Variants in KIAA1217 observed in about 807,000 individuals in gnomAD.
KIAA1217 encodes KIAA1217.
Under a neutral mutation model 163.9 loss-of-function variants are expected in KIAA1217, and 88 were observed. The ratio of observed to expected loss-of-function variants is 0.54; its 90% CI spans 0.45 to 0.64. KIAA1217 has a LOEUF of 0.64. Among genes scored for constraint, KIAA1217 ranks in the 30% least tolerant of loss-of-function variants. KIAA1217 has a pLI of 0.00. For synonymous variants in KIAA1217, 903 were observed against 923.1 expected (o/e 0.98, Z 0.39); for missense variants, 2,372 against 2,475.0 (o/e 0.96, Z 0.88).
At chr10:24,444,827 C>T (rs567844814) in intron 5 of KIAA1217, among the ~76,000 whole-genome samples, 1 of 152,232 alleles carries the variant, frequency 6.6e-6, no homozygotes, top group Admixed American at 6.5e-5. Flanking sequence ...AAATTTGTGG[C>T]CCACCCACAG....
intron 1 of KIAA1217, among the ~76,000 whole-genome samples, chr10:23,952,646 C>T (rs1844392249): frequency 1.3e-5 from 2 of 152,184 alleles, no homozygotes; most frequent in East Asian, 1.9e-4. Context: ...AATTATTTCA[C>T]CTTCGTGAGC....
In KIAA1217 at chr10:23,762,054, G is replaced by A. The variant is rs150205762; in HGVS notation, c.-321+66820G>A. ...ATACACACTCCCAAGACTAAACCAG[G>A]AAGAAGTCAAATTCCTGAGTAGACC... On this transcript the variant is annotated intron_variant, in intron 1 of 18. Transcript: ENST00000376462. 1.8e-3 allele frequency among the ~76,000 whole-genome samples: 281 copies of A among 152,158 alleles called. 14 individuals carry two copies. The East Asian group carries it at 0.028, about 15-fold the overall frequency.
intron 2 of KIAA1217, among the ~76,000 whole-genome samples, chr10:24,140,158 T>C (rs1357022733): frequency 6.6e-6 from 1 of 151,792 alleles, no homozygotes; most frequent in African/African-American, 2.4e-5. Flanking sequence ...AGGAGATGGA[T>C]ACCATCCTGG....
At chr10:24,227,354 T>C (rs2070728693) in intron 2 of KIAA1217, among the ~76,000 whole-genome samples, 2 of 151,356 alleles carry the variant, frequency 1.3e-5, no homozygotes, top group South Asian at 4.2e-4. Context: ...AGACAGGGTT[T>C]CACTATGTTG....
chr10:23,935,449 G>A (rs930634841), intron 1 of KIAA1217, among the ~76,000 whole-genome samples: 2 of 152,176 alleles, frequency 1.3e-5, no homozygotes, highest in South Asian at 2.1e-4. Flanking sequence ...GACATTTATC[G>A]GCTCTGATTT....
chr10:24,327,344 G>A (rs1021336854), intron 2 of KIAA1217, among the ~76,000 whole-genome samples: 2 of 152,114 alleles, frequency 1.3e-5, no homozygotes, highest in Non-Finnish European at 2.9e-5. Flanking sequence ...CTAAAACATG[G>A]CTACCTATTT....
intron 1 of KIAA1217, among the ~76,000 whole-genome samples, chr10:23,810,086 C>T (rs777923754): frequency 1.3e-5 from 2 of 151,790 alleles, no homozygotes; most frequent in African/African-American, 2.4e-5. Flanking sequence ...TTAAGTTAGG[C>T]TAGGCTAAGC....
intron 5 of KIAA1217, among the ~76,000 whole-genome samples, chr10:24,456,037 CA>C (rs1405562526): frequency 6.6e-6 from 1 of 152,086 alleles, no homozygotes; most frequent in Non-Finnish European, 1.5e-5. Flanking sequence ...AGGCGTATGC[CA>C]CCCCACCAGG....
intron 1 of KIAA1217, among the ~76,000 whole-genome samples, chr10:24,212,838 A>T (rs1463922431): frequency 6.6e-6 from 1 of 152,202 alleles, no homozygotes; most frequent in Non-Finnish European, 1.5e-5. Flanking sequence ...CACCTAACAG[A>T]GCACTGGGCA....
chr10:24,172,968 C>G (rs907298912), intron 2 of KIAA1217, among the ~76,000 whole-genome samples: 1 of 152,216 alleles, frequency 6.6e-6, no homozygotes, highest in African/African-American at 2.4e-5. Context: ...GCATAGTACC[C>G]TAAGCAGGGG....
chr10:23,884,741 C>T (rs149833985), intron 1 of KIAA1217, among the ~76,000 whole-genome samples: 77 of 152,064 alleles, frequency 5.1e-4, no homozygotes, highest in African/African-American at 1.7e-3. Context: ...AGCACTGACA[C>T]GTGGTAGAAT....
intron 1 of KIAA1217, among the ~76,000 whole-genome samples, chr10:23,733,271 C>A (rs752339547): frequency 5.9e-5 from 9 of 152,214 alleles, no homozygotes; most frequent in Non-Finnish European, 1.3e-4. Flanking sequence ...CCTTGACCTT[C>A]CAAAGTGCTG....
chr10:23,841,674 A>G (rs918655307), intron 1 of KIAA1217, among the ~76,000 whole-genome samples: 9 of 152,044 alleles, frequency 5.9e-5, no homozygotes, highest in Non-Finnish European at 8.8e-5. Flanking sequence ...AATAAGCAGT[A>G]TAATTCTTCG....
intron 2 of KIAA1217, among the ~76,000 whole-genome samples, chr10:24,279,278 G>T (rs552703073): frequency 0.015 from 2,090 of 143,536 alleles, 40 homozygotes; most frequent in East Asian, 0.1. Context: ...TTGTTTGTTT[G>T]TTTTTTTTTT....
chr10:24,466,701 A>T, intron 5 of KIAA1217: 1 of 985,454 alleles, frequency 1.0e-6, no homozygotes, highest in Non-Finnish European at 1.2e-6. Flanking sequence ...ATTTAGATGA[A>T]GCCAGCAAAC....
chr10:23,719,418 A>C (rs1837743889), intron 1 of KIAA1217, among the ~76,000 whole-genome samples: 1 of 151,990 alleles, frequency 6.6e-6, no homozygotes. Flanking sequence ...CTATCTCTAC[A>C]AAAAATACAA....
rs539004525 is a variant in KIAA1217 at position 24,050,092 on chromosome 10, C to T, written c.-171+42718C>T. The stretch of plus-strand genomic sequence containing the variant: ...AGCATTTTTACACGTTTGTTGGCTG[C>T]ATAAATGTCTTCTTTTGAGAAATGT... On this transcript the variant is annotated intron_variant, in intron 2 of 18. Coordinates refer to the KIAA1217 transcript ENST00000376462. Among the ~76,000 whole-genome samples, 93 of 152,330 alleles carry T rather than the reference C, an allele frequency of 6.1e-4. 1 individual carries two copies. The highest frequency in any genetic ancestry group is 2.1e-3 in the African/African-American group (89 of 41,564).
intron 5 of KIAA1217, chr10:24,466,737 AG>A: frequency 1.0e-6 from 1 of 985,450 alleles, no homozygotes; most frequent in Non-Finnish European, 1.2e-6. Flanking sequence ...TCAGGACCTG[AG>A]CGAATGTGCT....
intron 3 of KIAA1217, among the ~76,000 whole-genome samples, chr10:24,421,748 T>A (rs1269755717): frequency 2.0e-5 from 3 of 152,234 alleles, no homozygotes; most frequent in Non-Finnish European, 4.4e-5. Context: ...ATAGTTTTTT[T>A]ATTTATATTG....
Sources: gnomAD v4.1 joint callset for allele counts (sites outside exome capture counted in the v4.1 genomes callset) on GRCh38, gnomAD v4.1.1 for gene constraint, MANE v1.5 for transcripts, NCBI Gene and HGNC (gene_info 2026-07-23, HGNC 2026-07-21) for gene names.